Variants in SEPTIN3 observed in about 807,000 individuals in gnomAD.
SEPTIN3 encodes septin 3, also known as neuronal-specific septin-3.
In SEPTIN3, 15 loss-of-function variants were observed where a neutral mutation model predicts 45.1. The ratio of observed to expected loss-of-function variants is 0.33; its 90% CI spans 0.22 to 0.51. The LOEUF is 0.51. Among genes scored for constraint, SEPTIN3 ranks in the 20% least tolerant of loss-of-function variants. The pLI is 0.97. For missense variants in SEPTIN3, 289 were observed against 457.2 expected (o/e 0.63, Z 3.35); for synonymous variants, 148 against 164.8 (o/e 0.90, Z 0.78).
intron 9 of SEPTIN3, among the ~76,000 whole-genome samples, chr22:41,993,536 C>T (rs920699486): frequency 2.0e-5 from 3 of 151,994 alleles, no homozygotes; most frequent in Non-Finnish European, 4.4e-5. Flanking sequence ...TTGTATTTTT[C>T]GTAGAGATGG....
At chr22:41,993,593 T>A (rs928226618) in intron 9 of SEPTIN3, among the ~76,000 whole-genome samples, 6 of 152,188 alleles carry the variant, frequency 3.9e-5, no homozygotes, top group Admixed American at 1.3e-4. Flanking sequence ...TGACCTCAGG[T>A]GATCCATTTG....
chr22:41,997,721 C>CA lies in SEPTIN3; in HGVS notation c.*755dup, dbSNP rs1185397738. On this transcript the variant is annotated 3_prime_UTR_variant, in exon 12 of 12. Coordinates refer to ENST00000644076, the MANE Select transcript of SEPTIN3 (RefSeq NM_001363845.2). ...AAGGAAAAACTAGCACCCTTCTGTC[C>CA]ACTCAGCAATAAGAGGGATCTCTTC... 1 of 152,650 alleles carries CA rather than the reference C, an allele frequency of 6.6e-6. No homozygotes were observed. Among genetic ancestry groups the CA allele is most frequent in the Non-Finnish European group, 1.5e-5 (1 of 68,074 alleles). The allele number at this position is 152,650 out of a possible 1,614,324, so 9.5% of individuals were successfully genotyped here.
chr22:41,987,002 AGAAAT>A (rs2078220090), intron 4 of SEPTIN3, among the ~76,000 whole-genome samples, 199 bp from the exon 5 acceptor site: 1 of 152,126 alleles, frequency 6.6e-6, no homozygotes, highest in Non-Finnish European at 1.5e-5. Flanking sequence ...AAGAAGAAAA[AGAAAT>A]GAGTAGAGAG....
At chr22:41,995,041 C>T in intron 11 of SEPTIN3, 1 of 1,182,838 alleles carries the variant, frequency 8.5e-7, no homozygotes, top group Non-Finnish European at 1.1e-6. Context: ...TATCTGTCTC[C>T]TTTCCTTGTG....
rs562575749 is a variant in SEPTIN3 at position 41,971,587 on chromosome 22, G to A, written c.95G>A (p.Arg32His). ...TSFSHSHVLG[R>H]PIRPSRLPGG... ...TTCTCCCATAGCCATGTGCTGGGGC[G>A]CCCTATCCGCCCCTCGAGACTCCCT... is the stretch of plus-strand genomic sequence containing the variant. Residue 32 changes from arginine (R) to histidine (H), a missense_variant, in exon 2 of 12, where the codon CGC becomes CAC. Physicochemically the swap from Arg to His is conservative, Grantham distance 29. Around this residue, in one of 3 missense-constraint regions of SEPTIN3, gnomAD observed 200 missense variants for 315.1 expected, o/e 0.63. Coordinates refer to ENST00000644076, the MANE Select transcript of SEPTIN3 (RefSeq NM_001363845.2). The A allele has an allele frequency of 1.5e-5, 6 of 399,084 alleles. No individual in the cohort carries two copies. The South Asian group carries it at 3.8e-4, about 25-fold the overall frequency. 24.7% of individuals were successfully genotyped at this position (399,084 alleles called of 1,614,324 possible).
intron 11 of SEPTIN3, chr22:41,996,239 C>T: frequency 2.0e-6 from 2 of 985,058 alleles, no homozygotes; most frequent in Non-Finnish European, 2.4e-6. Flanking sequence ...GCATATATTT[C>T]CCCTGCTTGT....
chr22:41,980,329 G>A (rs926921924), intron 2 of SEPTIN3, among the ~76,000 whole-genome samples: 2 of 151,890 alleles, frequency 1.3e-5, no homozygotes, highest in South Asian at 4.1e-4. Context: ...ATAGAGACAG[G>A]GTTTCACTAT....
intron 8 of SEPTIN3, among the ~76,000 whole-genome samples, chr22:41,992,360 C>T (rs902769732): frequency 6.6e-6 from 1 of 152,172 alleles, no homozygotes; most frequent in African/African-American, 2.4e-5. Context: ...GCCTGGGCAA[C>T]AAGAGCGAAC....
In SEPTIN3 at chr22:41,976,999, C is replaced by T. The variant is rs1459505511; in HGVS notation, c.1504+4003C>T. The T allele has an allele frequency of 7.8e-6, 12 of 1,546,452 alleles. No homozygotes were observed. Among genetic ancestry groups the T allele is most frequent in the African/African-American group, 2.9e-5 (2 of 70,166 alleles). ...CCGCTCGGCCCGGGGAAGCCCGCGC[C>T]CCGCTCAGCCTTGCAGCCCCGCGCC... is the stretch of plus-strand genomic sequence containing the variant. On this transcript the variant is annotated intron_variant, in intron 2 of 11. Coordinates refer to ENST00000644076, the MANE Select transcript of SEPTIN3 (RefSeq NM_001363845.2). The surrounding 1 kb of genome is among the most constrained non-coding windows in gnomAD (Gnocchi z 5.8).
At chr22:41,996,660 C>T in intron 11 of SEPTIN3, 1 of 1,359,764 alleles carries the variant, frequency 7.4e-7, no homozygotes, top group Non-Finnish European at 9.5e-7. Flanking sequence ...GCGCTACAGC[C>T]CAGAGGTTAT....
chr22:41,991,615 C>T lies in SEPTIN3; in HGVS notation c.2206C>T (p.Gln736Ter), dbSNP rs2078319069. Residue 736 changes from glutamine (Q) to a stop codon, truncating the protein, a stop_gained, in exon 8 of 12, where the codon CAG (glutamine) becomes TAG (stop). Coordinates refer to ENST00000644076, the MANE Select transcript of SEPTIN3 (RefSeq NM_001363845.2). LOFTEE classifies it high-confidence loss of function. ...AGTAAATGGCATTGAATTCTACCCC[C>T]AGAAGGAATTTGATGAGGATTTGGA... ...LEVNGIEFYP[Q>*]KEFDEDLEDK... 1 of 1,614,010 alleles carries T rather than the reference C, an allele frequency of 6.2e-7. No homozygotes were observed. Among genetic ancestry groups the T allele is most frequent in the Admixed American group, 1.7e-5 (1 of 60,012 alleles).
intron 11 of SEPTIN3, chr22:41,995,070 T>G (rs1256141447): frequency 1.1e-5 from 13 of 1,135,512 alleles, no homozygotes; most frequent in Non-Finnish European, 1.4e-5. Context: ...CAAAGCTGTT[T>G]GCCTCACTCA....
At chr22:41,989,163 GT>G (rs1233667847) in intron 6 of SEPTIN3, among the ~76,000 whole-genome samples, 12 of 142,196 alleles carry the variant, frequency 8.4e-5, no homozygotes, top group Non-Finnish European at 1.2e-4. Flanking sequence ...ACACAGTGTT[GT>G]TTTTTTTTGG....
At chr22:41,990,485 C>T (rs895845130) in intron 7 of SEPTIN3, among the ~76,000 whole-genome samples, 1 of 151,594 alleles carries the variant, frequency 6.6e-6, no homozygotes, top group African/African-American at 2.4e-5. Flanking sequence ...GTGGCTCATG[C>T]CTGTAATCCC....
In SEPTIN3 at chr22:41,991,584, G is replaced by T. The variant is rs756837523; in HGVS notation, c.2175G>T (p.Glu725Asp). The stretch of plus-strand genomic sequence containing the variant: ...CTCCTCGCCTCTAGGTTCGCAAGGA[G>T]CTTGAAGTAAATGGCATTGAATTCT... ...KSEFKQRVRKELEVNGIEFYP... is the reference protein window; with the variant it reads ...KSEFKQRVRKDLEVNGIEFYP... The change falls in exon 8 of 12, where the codon GAG becomes GAT. Residue 725 changes from glutamate (E) to aspartate (D), a missense_variant. Physicochemically the swap from Glu to Asp is conservative, Grantham distance 45. This residue lies in a region of SEPTIN3 where 200 missense variants were observed against 315.1 expected (regional missense o/e 0.63). Transcript: ENST00000644076. 6.2e-7 allele frequency: 1 copy of T among 1,613,418 alleles called. No homozygotes were observed. Among genetic ancestry groups the T allele is most frequent in the Non-Finnish European group, 8.5e-7 (1 of 1,179,340 alleles).
intron 2 of SEPTIN3, 132 bp from the exon 3 acceptor site, chr22:41,981,513 T>G: frequency 1.5e-6 from 1 of 670,344 alleles, no homozygotes; most frequent in Non-Finnish European, 2.5e-6. Flanking sequence ...GGACCTGGAC[T>G]GGATGATACT....
At chr22:41,983,647 T>G (rs553054164) in intron 3 of SEPTIN3, among the ~76,000 whole-genome samples, 12 of 152,322 alleles carry the variant, frequency 7.9e-5, no homozygotes, top group South Asian at 4.1e-4. Flanking sequence ...CTAGAGCTTT[T>G]GCATCTGCTG....
Position 41,984,273 on chromosome 22 carries a change from T to C in SEPTIN3, c.1697-1711T>C, listed in dbSNP as rs1022981673. Among the ~76,000 whole-genome samples the C allele has an allele frequency of 3.3e-5, 5 of 150,788 alleles. No homozygotes were observed. In the South Asian group the frequency reaches 8.3e-4, roughly 25 times the overall value. On this transcript the variant is annotated intron_variant, in intron 3 of 11. Coordinates refer to ENST00000644076, the MANE Select transcript of SEPTIN3 (RefSeq NM_001363845.2). ...AAAACAATGCAGGTGGGTCTGGAAC[T>C]CTAGGCCCTTGTCCCCCAGCATGGT...
intron 2 of SEPTIN3, among the ~76,000 whole-genome samples, chr22:41,973,911 G>A (rs1392860091): frequency 6.6e-6 from 1 of 151,998 alleles, no homozygotes; most frequent in Non-Finnish European, 1.5e-5. Context: ...AACCTGGGAG[G>A]CAGAGGCTGC....
Sources: allele counts gnomAD v4.1 joint callset (sites outside exome capture counted in the v4.1 genomes callset), GRCh38; gene constraint gnomAD v4.1.1; regional missense constraint gnomAD v4.1.1; non-coding constraint Gnocchi (gnomAD v3.1); transcripts MANE v1.5; gene names NCBI Gene and HGNC (gene_info 2026-07-23, HGNC 2026-07-21).